DCDC1: variants seen among roughly 807,000 people sequenced by gnomAD.
DCDC1 encodes the protein doublecortin domain-containing protein 1.
Under a neutral mutation model 178.3 loss-of-function variants are expected in DCDC1, and 200 were observed. That is an observed-to-expected ratio of 1.12 (90% CI 1.00 to 1.26). The LOEUF is 1.26. Among genes scored for constraint, DCDC1 ranks in the 50% most tolerant of loss-of-function variants. The probability of loss-of-function intolerance (pLI) is 0.00; values close to 1 mark genes in which losing one functional copy is unlikely to be tolerated. For synonymous variants in DCDC1, 690 were observed against 604.8 expected, an observed-to-expected ratio of 1.14 and a Z score of -2.07; for missense variants, 1,983 against 1,749.2, an observed-to-expected ratio of 1.13 and a Z score of -2.38.
chr11:31,115,992 G>C (rs1452961527), intron 11 of DCDC1, among the ~76,000 whole-genome samples: 2 of 133,048 alleles, frequency 1.5e-5, no homozygotes, highest in East Asian at 2.1e-4. Flanking sequence ...GGGGGGGGGG[G>C]GGATGGGTAT....
chr11:30,884,372 C>A (rs1565023832), intron 36 of DCDC1, among the ~76,000 whole-genome samples: 1 of 151,754 alleles, frequency 6.6e-6, no homozygotes, highest in African/African-American at 2.4e-5. Flanking sequence ...GTTTTCCTCT[C>A]TTTTTTTTGT....
chr11:31,133,426 A>G (rs1392572574), intron 10 of DCDC1, among the ~76,000 whole-genome samples: 2 of 152,244 alleles, frequency 1.3e-5, no homozygotes, highest in African/African-American at 4.8e-5. Flanking sequence ...TTAAGATGAA[A>G]CATAAAGGAG....
At chr11:31,314,896 C>G (rs1591736451) in intron 3 of DCDC1, among the ~76,000 whole-genome samples, 1 of 151,986 alleles carries the variant, frequency 6.6e-6, no homozygotes, top group Non-Finnish European at 1.5e-5. Context: ...AATTTACAAC[C>G]CTCTTGATAT....
intron 20 of DCDC1, among the ~76,000 whole-genome samples, chr11:31,020,138 T>C (rs545434815): frequency 1.3e-5 from 2 of 152,272 alleles, no homozygotes; most frequent in Admixed American, 1.3e-4. Context: ...TAACATCAAG[T>C]AAACAAGAGG....
chr11:31,113,440 TC>T (rs1297759513), intron 11 of DCDC1, among the ~76,000 whole-genome samples: 5 of 79,142 alleles, frequency 6.3e-5, no homozygotes, highest in African/African-American at 1.9e-4. Context: ...ACCTCCCCCC[TC>T]CCCCCACCCA....
Position 31,037,430 on chromosome 11 carries a change from TTC to T in DCDC1, c.2591+27037_2591+27038del, listed in dbSNP as rs200308868. Among the ~76,000 whole-genome samples the T allele has an allele frequency of 3.7e-4, 47 of 127,646 alleles. 1 individual carries two copies. Among genetic ancestry groups the T allele is most frequent in the Admixed American group, 5.7e-4 (7 of 12,218 alleles). 83.7% of individuals were successfully genotyped at this position (127,646 alleles called of 152,430 possible). ...AATTGGCCTGCCTCTAAATATTTCT[TTC>T]TTTTTTTTTTTTTTTTTTGAGAAGG... On this transcript the variant is annotated intron_variant, in intron 20 of 38. Coordinates refer to ENST00000684477, the MANE Select transcript of DCDC1 (RefSeq NM_001387274.1).
At chr11:31,153,793 C>CACACACACAA (rs1166526537) in intron 9 of DCDC1, among the ~76,000 whole-genome samples, 151 of 148,752 alleles carry the variant, frequency 1.0e-3, no homozygotes, top group African/African-American at 3.7e-3. Context: ...AAAACACACA[C>CACACACACAA]ACACACACAC....
At chr11:30,994,546 T>G (rs1951148700) in intron 20 of DCDC1, among the ~76,000 whole-genome samples, 1 of 147,154 alleles carries the variant, frequency 6.8e-6, no homozygotes, top group South Asian at 2.1e-4. Flanking sequence ...TATATATATG[T>G]ATATGTATAT....
At chr11:31,088,625 T>C (rs1321761222) in intron 17 of DCDC1, among the ~76,000 whole-genome samples, 1 of 152,172 alleles carries the variant, frequency 6.6e-6, no homozygotes, top group Non-Finnish European at 1.5e-5. Context: ...TATTTCTACA[T>C]ATTATCTCCA....
intron 9 of DCDC1, among the ~76,000 whole-genome samples, chr11:31,146,734 T>G (rs1462375910): frequency 2.0e-5 from 3 of 152,214 alleles, no homozygotes; most frequent in Non-Finnish European, 4.4e-5. Context: ...TAGAAACTCC[T>G]TCTAACGTCC....
intron 11 of DCDC1, among the ~76,000 whole-genome samples, chr11:31,112,603 A>C (rs1263997887): frequency 2.6e-5 from 4 of 152,182 alleles, no homozygotes; most frequent in African/African-American, 4.8e-5. Context: ...AGGTCATAGA[A>C]CCTAAAAAAT....
At chr11:31,227,951 A>G (rs975647991) in intron 9 of DCDC1, among the ~76,000 whole-genome samples, 5 of 152,078 alleles carry the variant, frequency 3.3e-5, no homozygotes, top group Non-Finnish European at 2.9e-5. Context: ...TTTATCAATA[A>G]AATATAGCAA....
intron 8 of DCDC1, among the ~76,000 whole-genome samples, chr11:31,254,545 A>G (rs1944285813): frequency 6.6e-6 from 1 of 152,262 alleles, no homozygotes; most frequent in Non-Finnish European, 1.5e-5. Flanking sequence ...ATAGCTTACT[A>G]TATTTGGTAC....
At chr11:30,934,181 A>T (rs1947115512) in intron 21 of DCDC1, among the ~76,000 whole-genome samples, 1 of 152,096 alleles carries the variant, frequency 6.6e-6, no homozygotes, top group Non-Finnish European at 1.5e-5. Context: ...GCTGACTCAA[A>T]CCCAGTAGGT....
intron 10 of DCDC1, among the ~76,000 whole-genome samples, chr11:31,134,764 G>C (rs375514952): frequency 6.6e-6 from 1 of 152,230 alleles, no homozygotes; most frequent in African/African-American, 2.4e-5. Flanking sequence ...GGAAGCCAAG[G>C]TGAGGGGATC....
chr11:31,030,085 C>T (rs927265456), intron 20 of DCDC1, among the ~76,000 whole-genome samples: 10 of 149,748 alleles, frequency 6.7e-5, no homozygotes, highest in African/African-American at 9.9e-5. Flanking sequence ...TGGGTATCGA[C>T]TTGAAAAAAA....
intron 1 of DCDC1, among the ~76,000 whole-genome samples, chr11:31,363,895 C>T (rs746407219): frequency 2.6e-5 from 4 of 152,150 alleles, no homozygotes; most frequent in Non-Finnish European, 4.4e-5. Flanking sequence ...AATTTTTTGA[C>T]TTTACATGGT....
At chr11:30,916,823 T>C (rs772761689) in intron 26 of DCDC1, 47 bp downstream of exon 26, 7 of 1,528,110 alleles carry the variant, frequency 4.6e-6, no homozygotes, top group Non-Finnish European at 5.3e-6. Flanking sequence ...GTGAGAAAAC[T>C]AACACTAGAC....
chr11:30,954,160 C>T (rs1325762166), intron 20 of DCDC1, among the ~76,000 whole-genome samples: 2 of 151,704 alleles, frequency 1.3e-5, no homozygotes, highest in East Asian at 1.9e-4. Context: ...TGACTACAGG[C>T]GCCTGCCACC....
Sources: gnomAD v4.1 joint callset for allele counts (sites outside exome capture counted in the v4.1 genomes callset) on GRCh38, gnomAD v4.1.1 for gene constraint, MANE v1.5 for transcripts, NCBI Gene and HGNC (gene_info 2026-07-23, HGNC 2026-07-21) for gene names.